ALPK1: variants seen among roughly 807,000 people sequenced by gnomAD.
ALPK1 encodes the protein alpha-protein kinase 1.
A neutral mutation model predicts 120.6 loss-of-function variants in ALPK1; 110 were observed. The observed-to-expected ratio is 0.91, with a 90% CI of 0.78 to 1.07. The LOEUF (loss-of-function observed/expected upper bound fraction) is 1.07, where lower values mean the gene tolerates loss of function less well. ALPK1 is among the 50% of genes least tolerant of loss of function. ALPK1 has a pLI of 0.00. For synonymous variants in ALPK1, 582 were observed against 560.3 expected, an observed-to-expected ratio of 1.04 and a Z score of -0.55; for missense variants, 1,498 against 1,483.9, an observed-to-expected ratio of 1.01 and a Z score of -0.16.
At chr4:112,405,225 T>C (rs1733111492) in intron 4 of ALPK1, among the ~76,000 whole-genome samples, 1 of 152,154 alleles carries the variant, frequency 6.6e-6, no homozygotes, top group African/African-American at 2.4e-5. Flanking sequence ...AGGGAGACCA[T>C]TTCATAAAGG....
intron 14 of ALPK1, among the ~76,000 whole-genome samples, chr4:112,440,083 A>G (rs1734968584): frequency 6.6e-6 from 1 of 152,234 alleles, no homozygotes; most frequent in South Asian, 2.1e-4. Context: ...TCACATAATC[A>G]GTGAGAGGGT....
intron 2 of ALPK1, among the ~76,000 whole-genome samples, chr4:112,365,410 A>G (rs1401438733): frequency 6.6e-6 from 1 of 152,240 alleles, no homozygotes; most frequent in East Asian, 1.9e-4. Context: ...ACTATATACC[A>G]ATAGTGACCA....
At chr4:112,387,482 G>A (rs570480258) in intron 4 of ALPK1, among the ~76,000 whole-genome samples, 2 of 152,134 alleles carry the variant, frequency 1.3e-5, no homozygotes, top group South Asian at 2.1e-4. Flanking sequence ...GCCCACTCAC[G>A]GAGATACAAG....
chr4:112,380,889 G>T (rs1283138853), intron 3 of ALPK1, among the ~76,000 whole-genome samples: 1 of 152,156 alleles, frequency 6.6e-6, no homozygotes, highest in Non-Finnish European at 1.5e-5. Flanking sequence ...AAAAGAGCCT[G>T]CTCCCTTGGG....
At chr4:112,387,568 C>G (rs1230672617) in intron 4 of ALPK1, among the ~76,000 whole-genome samples, 1 of 152,170 alleles carries the variant, frequency 6.6e-6, no homozygotes, top group Non-Finnish European at 1.5e-5. Context: ...ATTCTTTTTC[C>G]CATGTCCTTT....
chr4:112,432,727 C>T lies in ALPK1; in HGVS notation c.3034+146C>T, dbSNP rs1277477669. On this transcript the variant is annotated intron_variant, in intron 11 of 15. Transcript: ENST00000650871. ...TGAGTTCACAGAGAAATGTATACTT[C>T]AGGGGTCTCCCTCACTCTGTGCGAT... 5 of 772,724 alleles carry T rather than the reference C, an allele frequency of 6.5e-6. No individual in the cohort carries two copies. In the East Asian group the frequency reaches 1.0e-4, roughly 16 times the overall value. 47.9% of individuals were successfully genotyped at this position (772,724 alleles called of 1,614,324 possible). A position where few individuals can be genotyped will look rare whatever the true frequency, so the allele number is the denominator to read the frequency against.
intron 2 of ALPK1, chr4:112,357,842 C>A: frequency 9.4e-7 from 1 of 1,066,870 alleles, no homozygotes; most frequent in Non-Finnish European, 1.5e-6. Flanking sequence ...TTCTGGCAGG[C>A]CCACTACTTG....
chr4:112,430,941 C>T lies in ALPK1; in HGVS notation c.1394C>T (p.Ser465Leu), dbSNP rs202180512. The T allele has an allele frequency of 1.9e-5, 31 of 1,614,044 alleles. No individual in the cohort carries two copies. The Middle Eastern group carries it at 4.9e-4, about 26-fold the overall frequency. The change falls in exon 11 of 16, where the codon TCG becomes TTG. Residue 465 changes from serine (S) to leucine (L), a missense_variant. Ser to Leu is a moderately radical substitution (Grantham distance 145). Transcript: ENST00000650871. ...GACACCTATTCACAGCACCATACTT[C>T]GGTGTGTGAAGTATTTGAAAGTGAT... ...ILDTYSQHHTSVCEVFESDCG... is the reference protein window; with the variant it reads ...ILDTYSQHHTLVCEVFESDCG...
At chr4:112,354,030 T>A (rs1730486072) in intron 2 of ALPK1, among the ~76,000 whole-genome samples, 1 of 152,234 alleles carries the variant, frequency 6.6e-6, no homozygotes, top group South Asian at 2.1e-4. Flanking sequence ...AAGTCTTTTG[T>A]CTATTCTTTT....
At chr4:112,377,331 G>A (rs909037922) in intron 2 of ALPK1, among the ~76,000 whole-genome samples, 8 of 152,208 alleles carry the variant, frequency 5.3e-5, no homozygotes, top group Admixed American at 3.9e-4. Flanking sequence ...GACTTCTAGA[G>A]AGCAGAGAGT....
rs548055553 is a variant in ALPK1, at chr4:112,326,931, G to A, written c.-101+11079G>A. On this transcript the variant is annotated intron_variant, in intron 2 of 15. Coordinates refer to ENST00000650871, the MANE Select transcript of ALPK1 (RefSeq NM_025144.4). ...ACCTTGGACTTCTGGAATGCTGCTG[G>A]ACTAACGTGGTGGTGCAGGAGGCTT... Among the ~76,000 whole-genome samples the A allele has an allele frequency of 4.6e-5, 7 of 152,292 alleles. No individual in the cohort carries two copies. In the South Asian group the frequency reaches 1.2e-3, roughly 27 times the overall value.
Position 112,441,114 on chromosome 4 carries a change from T to C in ALPK1, c.3727+9T>C, listed in dbSNP as rs1185385542. 22 of 1,613,882 alleles carry C rather than the reference T, an allele frequency of 1.4e-5. No individual in the cohort carries two copies. The highest frequency in any genetic ancestry group is 1.8e-5 in the Non-Finnish European group (21 of 1,179,898). On this transcript the variant is annotated intron_variant, in intron 15 of 15. Coordinates refer to ENST00000650871, the MANE Select transcript of ALPK1 (RefSeq NM_025144.4). ...TTCAATGGAGAAACCATGTAAGTCA[T>C]AGGCTGTATGGATTGGTAATGTGAC...
At chr4:112,403,029 T>G (rs1732990646) in intron 4 of ALPK1, among the ~76,000 whole-genome samples, 2 of 152,142 alleles carry the variant, frequency 1.3e-5, no homozygotes, top group Admixed American at 1.3e-4. Flanking sequence ...TTGTGTTGTT[T>G]TCTTTTTCTT....
intron 5 of ALPK1, among the ~76,000 whole-genome samples, chr4:112,412,236 A>C (rs1198383840): frequency 6.6e-6 from 1 of 152,182 alleles, no homozygotes; most frequent in Non-Finnish European, 1.5e-5. Context: ...CAGAGCCAAA[A>C]GCAGTAGAGA....
At position 112,303,597 on chromosome 4, in the gene ALPK1, G is replaced by C. The variant is rs141298087; in HGVS notation, c.-153+6128G>C. ...CGTGATCTCCTCCGTCTCTAGTCTG[G>C]GTGCAGGGCTGTTTTTGAACAATTT... is the stretch of plus-strand genomic sequence containing the variant. On this transcript the variant is annotated intron_variant, in intron 1 of 15. Transcript: ENST00000650871. Among the ~76,000 whole-genome samples, 25 of 152,154 alleles carry C rather than the reference G, an allele frequency of 1.6e-4. No individual in the cohort carries two copies. The East Asian group carries it at 4.4e-3, about 27-fold the overall frequency.
At chr4:112,396,161 CATT>C in intron 4 of ALPK1, among the ~76,000 whole-genome samples, 1 of 151,840 alleles carries the variant, frequency 6.6e-6, no homozygotes, top group South Asian at 2.1e-4. Flanking sequence ...TTCCAGCCCT[CATT>C]ATTTGAAAGA....
intron 2 of ALPK1, among the ~76,000 whole-genome samples, chr4:112,317,582 A>G (rs529606715): frequency 6.6e-6 from 1 of 152,244 alleles, no homozygotes; most frequent in African/African-American, 2.4e-5. Flanking sequence ...GGCTTCTTAT[A>G]CATCGATGGT....
intron 6 of ALPK1, 23 bp downstream of exon 6, chr4:112,424,026 A>G: frequency 6.2e-7 from 1 of 1,610,368 alleles, no homozygotes; most frequent in Non-Finnish European, 8.5e-7. Context: ...ATATCTTCAC[A>G]ATGACTTTTA....
intron 13 of ALPK1, 55 bp downstream of exon 13, chr4:112,438,701 A>G (rs549157608): frequency 2.9e-5 from 45 of 1,569,988 alleles, no homozygotes; most frequent in Non-Finnish European, 3.8e-5. Flanking sequence ...TTGAATATCA[A>G]TTAATCTGAG....
Sources: allele counts gnomAD v4.1 joint callset (sites outside exome capture counted in the v4.1 genomes callset), GRCh38; gene constraint gnomAD v4.1.1; transcripts MANE v1.5; gene names NCBI Gene and HGNC (gene_info 2026-07-23, HGNC 2026-07-21).